RSRC1: variants seen among roughly 807,000 people sequenced by gnomAD.
RSRC1 encodes serine/Arginine-related protein 53.
A neutral mutation model predicts 49.1 loss-of-function variants in RSRC1; 39 were observed. The ratio of observed to expected loss-of-function variants is 0.79; its 90% confidence interval spans 0.61 to 1.04. The LOEUF (loss-of-function observed/expected upper bound fraction) is 1.04, where lower values mean the gene tolerates loss of function less well. Ranked by LOEUF, RSRC1 falls within the 50% of genes least tolerant of loss-of-function variation. The pLI, the probability that RSRC1 is intolerant of heterozygous loss-of-function variation, is 0.00. For missense variants in RSRC1, 388 were observed against 402.4 expected (o/e 0.96, Z 0.31); for synonymous variants, 143 against 130.8 (o/e 1.09, Z -0.63).
At chr3:158,447,256 A>T (rs1310555171) in intron 6 of RSRC1, among the ~76,000 whole-genome samples, 1 of 152,014 alleles carries the variant, frequency 6.6e-6, no homozygotes, top group South Asian at 2.1e-4. Flanking sequence ...TCTTAGACTT[A>T]AATGATGAGT....
rs67839411 is a variant in RSRC1, at chr3:158,477,798, TTATATATATATATA to T, written c.652+16811_652+16824del. On this transcript the variant is annotated intron_variant, in intron 7 of 9. Transcript: ENST00000611884. ...TGATGGGATAGGTTGCGGGAGGGAT[TTATATATATATATA>T]TATATATATATATATGAAAGCCCTA... 3.3e-5 allele frequency among the ~76,000 whole-genome samples: 3 copies of T among 89,772 alleles called. 1 individual carries two copies. Among genetic ancestry groups the T allele is most frequent in the African/African-American group, 1.4e-4 (3 of 21,624 alleles). The allele number at this position is 89,772 out of a possible 152,430, so 58.9% of individuals were successfully genotyped here.
chr3:158,192,694 C>A (rs1720316648), intron 3 of RSRC1, among the ~76,000 whole-genome samples: 1 of 152,002 alleles, frequency 6.6e-6, no homozygotes, highest in Non-Finnish European at 1.5e-5. Flanking sequence ...CCTTCAAGAC[C>A]TGCATATGTC....
chr3:158,539,578 AG>A lies in RSRC1; in HGVS notation c.759+2381del, dbSNP rs943239772. 1.3e-5 allele frequency among the ~76,000 whole-genome samples: 2 copies of A among 152,074 alleles called. No individual in the cohort carries two copies. Among genetic ancestry groups the A allele is most frequent in the African/African-American group, 4.8e-5 (2 of 41,440 alleles). On this transcript the variant is annotated intron_variant, in intron 8 of 9. Coordinates refer to ENST00000611884, the MANE Select transcript of RSRC1 (RefSeq NM_001271838.2). The surrounding 1 kb of genome is among the most constrained non-coding windows in gnomAD (Gnocchi z 4.1). ...ATGGTCTTTTGGCCTACTTGGAAGT[AG>A]ATTTTAGTACTAATTTTTACAAACT...
intron 4 of RSRC1, among the ~76,000 whole-genome samples, chr3:158,237,559 G>T (rs1470097324): frequency 3.9e-5 from 6 of 152,122 alleles, no homozygotes; most frequent in African/African-American, 1.4e-4. Context: ...TTGATGTTTA[G>T]TTTGCACTTT....
chr3:158,254,191 G>A (rs921726886), intron 4 of RSRC1, among the ~76,000 whole-genome samples: 7 of 152,174 alleles, frequency 4.6e-5, no homozygotes, highest in South Asian at 2.1e-4. Context: ...TTGGTTCCAC[G>A]TCTTTGCTAT....
At chr3:158,317,463 C>T (rs2108158122) in intron 5 of RSRC1, among the ~76,000 whole-genome samples, 1 of 152,278 alleles carries the variant, frequency 6.6e-6, no homozygotes, top group Non-Finnish European at 1.5e-5. Flanking sequence ...CTCCTGAGCT[C>T]AAGTGATCCA....
At chr3:158,487,946 C>CAAA (rs1303656428) in intron 7 of RSRC1, among the ~76,000 whole-genome samples, 8 of 11,476 alleles carry the variant, frequency 7.0e-4, no homozygotes, top group South Asian at 4.3e-3. Context: ...GACTCCATCT[C>CAAA]AAGAAAAAAA....
chr3:158,485,175 T>C (rs1028638332), intron 7 of RSRC1, among the ~76,000 whole-genome samples: 2 of 152,244 alleles, frequency 1.3e-5, no homozygotes, highest in East Asian at 3.9e-4. Flanking sequence ...GATTGTAGGC[T>C]GTTTTATGTA....
At chr3:158,515,793 C>T (rs1413291807) in intron 7 of RSRC1, among the ~76,000 whole-genome samples, 2 of 151,398 alleles carry the variant, frequency 1.3e-5, no homozygotes, top group African/African-American at 2.4e-5. Context: ...AGGCTTTGCT[C>T]GTTTCTTTTT....
At chr3:158,205,487 AG>A (rs1220536795) in intron 4 of RSRC1, among the ~76,000 whole-genome samples, 1 of 152,148 alleles carries the variant, frequency 6.6e-6, no homozygotes, top group Non-Finnish European at 1.5e-5. Flanking sequence ...TTAAGTAATA[AG>A]GATATAAATG....
At chr3:158,408,493 T>C (rs12107103) in intron 6 of RSRC1, among the ~76,000 whole-genome samples, 79,081 of 151,978 alleles carry the variant, frequency 0.52, 21,023 homozygotes, top group African/African-American at 0.61. Context: ...CCTCACGTTA[T>C]AGCTAAGGAA....
chr3:158,437,866 G>A (rs531864305), intron 6 of RSRC1, among the ~76,000 whole-genome samples: 54 of 152,222 alleles, frequency 3.5e-4, no homozygotes, highest in African/African-American at 1.2e-3. Context: ...TAGAAAAAGA[G>A]GAAGTCAAAT....
intron 3 of RSRC1, among the ~76,000 whole-genome samples, chr3:158,167,187 T>C (rs565696995): frequency 3.9e-5 from 6 of 152,216 alleles, no homozygotes; most frequent in African/African-American, 9.6e-5. Flanking sequence ...CTCTCTCTCT[T>C]TTTTTCTTTT....
At chr3:158,376,617 T>G (rs1363276646) in intron 6 of RSRC1, among the ~76,000 whole-genome samples, 1 of 152,204 alleles carries the variant, frequency 6.6e-6, no homozygotes, top group African/African-American at 2.4e-5. Flanking sequence ...AAGCAGTAAC[T>G]ACAGTAGTCA....
At chr3:158,290,319 C>A (rs1726850793) in intron 4 of RSRC1, among the ~76,000 whole-genome samples, 1 of 151,922 alleles carries the variant, frequency 6.6e-6, no homozygotes, top group African/African-American at 2.4e-5. Context: ...GTCTCCCAGG[C>A]TGGAGTGCAG....
intron 3 of RSRC1, among the ~76,000 whole-genome samples, chr3:158,195,973 C>A (rs374367459): frequency 2.6e-5 from 4 of 151,872 alleles, no homozygotes; most frequent in African/African-American, 2.4e-5. Flanking sequence ...ATTGACTTGG[C>A]GATGCGGGCT....
At chr3:158,424,366 T>C (rs2108344691) in intron 6 of RSRC1, among the ~76,000 whole-genome samples, 1 of 152,212 alleles carries the variant, frequency 6.6e-6, no homozygotes, top group East Asian at 1.9e-4. Flanking sequence ...GTTCTGTTTA[T>C]ATGCTGGATT....
intron 6 of RSRC1, among the ~76,000 whole-genome samples, chr3:158,375,152 T>C (rs1732288165): frequency 6.7e-6 from 1 of 148,650 alleles, no homozygotes; most frequent in Non-Finnish European, 1.5e-5. Flanking sequence ...TAAATTGGAC[T>C]TAGCAAGTTA....
At chr3:158,187,868 GA>G (rs1720018204) in intron 3 of RSRC1, among the ~76,000 whole-genome samples, 1 of 151,902 alleles carries the variant, frequency 6.6e-6, no homozygotes, top group Non-Finnish European at 1.5e-5. Context: ...GGATTAGACT[GA>G]AAAACTGGCC....
Sources: gnomAD v4.1 joint callset for allele counts (sites outside exome capture counted in the v4.1 genomes callset) on GRCh38, gnomAD v4.1.1 for gene constraint, Gnocchi (gnomAD v3.1) non-coding constraint, MANE v1.5 for transcripts, NCBI Gene and HGNC (gene_info 2026-07-23, HGNC 2026-07-21) for gene names.